Variants in CEP350 observed in about 807,000 individuals in gnomAD.
CEP350 encodes the protein centrosome-associated protein 350.
A neutral mutation model predicts 331.8 loss-of-function variants in CEP350; 126 were observed. The observed-to-expected ratio is 0.38, with a 90% confidence interval of 0.33 to 0.44. The LOEUF (loss-of-function observed/expected upper bound fraction) is 0.44. Ranked by LOEUF, CEP350 falls within the 20% of genes least tolerant of loss-of-function variation. The pLI is 1.00. For missense variants in CEP350, 3,406 were observed against 3,634.6 expected (o/e 0.94, Z 1.62); for synonymous variants, 1,200 against 1,259.5 (o/e 0.95, Z 1.00).
chr1:180,042,136 A>T (rs12127058), intron 19 of CEP350, among the ~76,000 whole-genome samples: 3,287 of 143,714 alleles, frequency 0.023, 52 homozygotes, highest in Middle Eastern at 0.053. Flanking sequence ...TTTCTCTCAC[A>T]CACACACACA....
Position 180,053,912 on chromosome 1 carries a change from G to A in CEP350, c.5152G>A (p.Ala1718Thr). Reference sequence around the variant, plus strand: ...GAAGGAGAAGACTAAGGCTGAATTGGCCTGGTTAGAGCATCAAAAAAAGTA... The same window carrying A: ...GAAGGAGAAGACTAAGGCTGAATTGACCTGGTTAGAGCATCAAAAAAAGTA... The part of the protein sequence containing the change: ...ALKEKTKAEL[A>T]WLEHQKKHLR... The change falls in exon 24 of 38, where the codon GCC becomes ACC. Residue 1718 changes from alanine to threonine, a missense_variant. Ala to Thr is a moderately conservative substitution (Grantham distance 58). This residue lies in a region of CEP350 where 104 missense variants were observed against 143.3 expected (regional missense o/e 0.73). Coordinates refer to ENST00000367607, the MANE Select transcript of CEP350 (RefSeq NM_014810.5). 6.3e-7 allele frequency: 1 copy of A among 1,597,924 alleles called. No homozygotes were observed. The highest frequency in any genetic ancestry group is 1.3e-5 in the African/African-American group (1 of 74,628).
At chr1:180,019,871 C>A in intron 11 of CEP350, 78 bp from the exon 12 acceptor site, 1 of 1,325,178 alleles carries the variant, frequency 7.5e-7, no homozygotes, top group Non-Finnish European at 1.0e-6. Flanking sequence ...ATCCTCATTA[C>A]TCTTATAATC....
intron 37 of CEP350, among the ~76,000 whole-genome samples, chr1:180,109,060 T>G (rs768730364): frequency 6.6e-6 from 1 of 152,116 alleles, no homozygotes; most frequent in Non-Finnish European, 1.5e-5. Context: ...GTCTCTTTTT[T>G]GCTAGGGTCT....
Position 180,111,194 on chromosome 1 carries a change from A to G in CEP350, c.*33A>G. On this transcript the variant is annotated 3_prime_UTR_variant, in exon 38 of 38. Coordinates refer to ENST00000367607, the MANE Select transcript of CEP350 (RefSeq NM_014810.5). Reference sequence around the variant, plus strand: ...CAAATAAATCGAACGCTGAGTGCTAATGTGAGTCCTGGGCCTTTCTGCCTC... The same window carrying G: ...CAAATAAATCGAACGCTGAGTGCTAGTGTGAGTCCTGGGCCTTTCTGCCTC... The G allele has an allele frequency of 6.2e-7, 1 of 1,607,720 alleles. No individual in the cohort carries two copies. Among genetic ancestry groups the G allele is most frequent in the Non-Finnish European group, 8.5e-7 (1 of 1,175,414 alleles).
At position 179,993,564 on chromosome 1, in the gene CEP350, C is replaced by T. The variant is rs867700547; in HGVS notation, c.395+1343C>T. Among the ~76,000 whole-genome samples the T allele has an allele frequency of 1.1e-4, 16 of 152,126 alleles. 1 individual carries two copies. The highest frequency in any genetic ancestry group is 6.8e-3 in the Middle Eastern group (2 of 294). On this transcript the variant is annotated intron_variant, in intron 5 of 37. Transcript: ENST00000367607. Reference sequence around the variant, plus strand: ...CAGCTTCCTAGCTGAGGCTTACAGGCGCTAGCTACCATGACCGACTAATTT... The same window carrying T: ...CAGCTTCCTAGCTGAGGCTTACAGGTGCTAGCTACCATGACCGACTAATTT...
At chr1:180,099,162 T>A (rs1249467606) in intron 37 of CEP350, among the ~76,000 whole-genome samples, 177 bp downstream of exon 37, 1 of 152,206 alleles carries the variant, frequency 6.6e-6, no homozygotes, top group Middle Eastern at 3.2e-3. Flanking sequence ...TCTTTTGTAC[T>A]CAGTAGATGA....
At chr1:179,956,075 T>C (rs1650149324) in intron 1 of CEP350, among the ~76,000 whole-genome samples, 1 of 152,158 alleles carries the variant, frequency 6.6e-6, no homozygotes, top group East Asian at 1.9e-4. Flanking sequence ...ATTCTGAAAA[T>C]TTCTTCGTTT....
At chr1:180,060,850 C>CT (rs927106820) in intron 25 of CEP350, among the ~76,000 whole-genome samples, 25 of 150,350 alleles carry the variant, frequency 1.7e-4, no homozygotes, top group Admixed American at 3.3e-4. Flanking sequence ...AATAGTATAT[C>CT]TTTTTTTTTG....
At chr1:180,021,083 GTACTT>G in intron 12 of CEP350, 74 bp downstream of exon 12, 1 of 1,289,658 alleles carries the variant, frequency 7.8e-7, no homozygotes, top group Non-Finnish European at 1.0e-6. Flanking sequence ...TATGAGATAT[GTACTT>G]TAGTACACAT....
intron 1 of CEP350, among the ~76,000 whole-genome samples, chr1:179,979,880 C>T (rs1424627868): frequency 6.6e-6 from 1 of 151,958 alleles, no homozygotes; most frequent in African/African-American, 2.4e-5. Flanking sequence ...CTGTTCTGTT[C>T]CATTGGTCTA....
At chr1:180,029,970 C>G (rs904086083) in intron 14 of CEP350, among the ~76,000 whole-genome samples, 2 of 152,032 alleles carry the variant, frequency 1.3e-5, no homozygotes, top group Admixed American at 6.6e-5. Context: ...CAAGGTTCAT[C>G]TGTATTGTAG....
In CEP350 at chr1:179,992,222, G is replaced by A. The variant is rs1209187579; in HGVS notation, c.395+1G>A. The A allele has an allele frequency of 4.1e-6, 6 of 1,475,520 alleles. No individual in the cohort carries two copies. The highest frequency in any genetic ancestry group is 4.5e-6 in the Non-Finnish European group (5 of 1,121,246). 91.4% of individuals were successfully genotyped at this position (1,475,520 alleles called of 1,614,324 possible). A position where few individuals can be genotyped will look rare whatever the true frequency, so the allele number is the denominator to read the frequency against. On this transcript the variant is annotated splice_donor_variant, in intron 5 of 37. Transcript: ENST00000367607. LOFTEE classifies it high-confidence loss of function. ...TTCGTGAACCTTTGGTTTCTTATAGGTTAGTATTGAGAAAAAAAAAAGGTA... is the reference window on the plus strand; with the variant it reads ...TTCGTGAACCTTTGGTTTCTTATAGATTAGTATTGAGAAAAAAAAAAGGTA...
chr1:180,062,310 C>T lies in CEP350; in HGVS notation c.5353C>T (p.Arg1785Ter), dbSNP rs1326776127. 2.5e-6 allele frequency: 4 copies of T among 1,610,106 alleles called. No homozygotes were observed. Among genetic ancestry groups the T allele is most frequent in the South Asian group, 1.1e-5 (1 of 90,322 alleles). The change falls in exon 26 of 38, where the codon CGA becomes TGA. Residue 1785 changes from arginine to a stop codon, truncating the protein, a stop_gained. Coordinates refer to ENST00000367607, the MANE Select transcript of CEP350 (RefSeq NM_014810.5). LOFTEE classifies it high-confidence loss of function. ...ACAGCAGGAGGAGATAGAAAAGATC[C>T]GACAGACCACCATAAAACTACAGGA... ...LKQQEEIEKI[R>*]QTTIKLQEKL...
At chr1:180,069,448 A>G (rs1013915171) in intron 27 of CEP350, among the ~76,000 whole-genome samples, 2 of 152,188 alleles carry the variant, frequency 1.3e-5, no homozygotes, top group African/African-American at 4.8e-5. Context: ...AGATTGTCTT[A>G]AATAATAATG....
intron 6 of CEP350, among the ~76,000 whole-genome samples, chr1:179,998,599 C>T (rs755139203): frequency 1.3e-5 from 2 of 152,010 alleles, no homozygotes; most frequent in Non-Finnish European, 2.9e-5. Context: ...AATCACCACA[C>T]CCAGCCTGTT....
At chr1:180,043,581 C>G (rs1054447629) in intron 20 of CEP350, among the ~76,000 whole-genome samples, 2 of 152,040 alleles carry the variant, frequency 1.3e-5, no homozygotes, top group Non-Finnish European at 2.9e-5. Context: ...GAAGAAGGAA[C>G]ATAGCATATT....
intron 15 of CEP350, among the ~76,000 whole-genome samples, chr1:180,033,302 G>C (rs1190857073): frequency 6.6e-6 from 1 of 152,116 alleles, no homozygotes; most frequent in Non-Finnish European, 1.5e-5. Context: ...GTTCAAGAAA[G>C]AGATGTAGTA....
rs757713258 is a variant in CEP350 at position 180,084,022 on chromosome 1, T to A, written c.6129T>A (p.Thr2043=). 1.5e-5 allele frequency: 23 copies of A among 1,510,342 alleles called. No individual in the cohort carries two copies. Among genetic ancestry groups the A allele is most frequent in the Admixed American group, 4.6e-5 (2 of 43,532 alleles). The allele number at this position is 1,510,342 out of a possible 1,614,324, so 93.6% of individuals were successfully genotyped here. A position where few individuals can be genotyped will look rare whatever the true frequency, so the allele number is the denominator to read the frequency against. The change falls in exon 31 of 38, where the codon ACT becomes ACA. Residue 2043 remains threonine (T), a synonymous_variant. Transcript: ENST00000367607. ...DESLSMTQSE[T]TSDQSDIEGR... is the part of the protein sequence containing the mutation. ...AAGATTTTGTATCTCTTTCAGAAAC[T>A]ACATCTGACCAGAGTGATATTGAAG...
intron 9 of CEP350, 60 bp downstream of exon 9, chr1:180,012,135 G>A: frequency 1.4e-6 from 2 of 1,412,828 alleles, no homozygotes; most frequent in Non-Finnish European, 1.9e-6. Context: ...TAAGTACTTA[G>A]AGAAGGAAAA....
Sources: allele counts gnomAD v4.1 joint callset (sites outside exome capture counted in the v4.1 genomes callset), GRCh38; gene constraint gnomAD v4.1.1; regional missense constraint gnomAD v4.1.1; transcripts MANE v1.5; gene names NCBI Gene and HGNC (gene_info 2026-07-23, HGNC 2026-07-21).